Variants in IWS1 observed in about 807,000 individuals in gnomAD.
The protein encoded by IWS1 is interacts with SUPT6H, CTD assembly factor 1.
In IWS1, 27 loss-of-function variants were observed where a neutral mutation model predicts 86.7. The ratio of observed to expected loss-of-function variants is 0.31; its 90% confidence interval spans 0.23 to 0.43. IWS1 has a LOEUF of 0.43. IWS1 is among the 20% of genes least tolerant of loss of function. The probability of loss-of-function intolerance (pLI) is 1.00; values close to 1 mark genes in which losing one functional copy is unlikely to be tolerated. For missense variants in IWS1, 827 were observed against 1,000.8 expected, an observed-to-expected ratio of 0.83 and a Z score of 2.34; for synonymous variants, 313 against 335.1, an observed-to-expected ratio of 0.93 and a Z score of 0.72.
intron 9 of IWS1, 109 bp downstream of exon 9, chr2:127,493,172 C>A: frequency 1.0e-6 from 1 of 979,354 alleles, no homozygotes; most frequent in Non-Finnish European, 1.4e-6. Flanking sequence ...CCTCTTCTGG[C>A]AGGCTGTAGC....
Position 127,519,493 on chromosome 2 carries a change from G to A in IWS1, c.150+4183C>T, listed in dbSNP as rs141494476. 2.7e-4 allele frequency among the ~76,000 whole-genome samples: 40 copies of A among 147,910 alleles called. No homozygotes were observed. In the East Asian group the frequency reaches 6.0e-3, roughly 22 times the overall value. On this transcript the variant is annotated intron_variant, in intron 2 of 13. Coordinates refer to ENST00000295321, the MANE Select transcript of IWS1 (RefSeq NM_017969.3). ...AAAGATTGTGTGTGTGTGTGTGTGCGTGTGTGTGCACTGAGTAAATACTAT... is the reference window on the plus strand; with the variant it reads ...AAAGATTGTGTGTGTGTGTGTGTGCATGTGTGTGCACTGAGTAAATACTAT...
At chr2:127,515,899 G>A (rs770198543) in intron 2 of IWS1, among the ~76,000 whole-genome samples, 1 of 152,088 alleles carries the variant, frequency 6.6e-6, no homozygotes, top group African/African-American at 2.4e-5. Context: ...TCTCTCATCC[G>A]GCTCCCCAGT....
chr2:127,497,883 T>G (rs1280579544), intron 6 of IWS1, among the ~76,000 whole-genome samples: 1 of 152,144 alleles, frequency 6.6e-6, no homozygotes, highest in Non-Finnish European at 1.5e-5. Flanking sequence ...TTCATAAGAG[T>G]TTACTTGGTG....
intron 2 of IWS1, among the ~76,000 whole-genome samples, chr2:127,513,709 T>C (rs972654438): frequency 1.4e-5 from 2 of 146,260 alleles, no homozygotes; most frequent in Non-Finnish European, 2.9e-5. Flanking sequence ...TGGCATAGTA[T>C]TCTACCAAAT....
Position 127,505,047 on chromosome 2 carries a change from C to T in IWS1, c.856G>A (p.Ala286Thr). 1 of 1,612,410 alleles carries T rather than the reference C, an allele frequency of 6.2e-7. No homozygotes were observed. The highest frequency in any genetic ancestry group is 8.5e-7 in the Non-Finnish European group (1 of 1,179,504). Reference sequence around the variant, plus strand: ...AGCTCCTCATTTTCCGAATCACTGGCCTGGTTCCTTGGGGGATCCTCACTT... The same window carrying T: ...AGCTCCTCATTTTCCGAATCACTGGTCTGGTTCCTTGGGGGATCCTCACTT... ...SESEDPPRNQ[A>T]SDSENEELPK... Residue 286 changes from alanine (A) to threonine (T), a missense_variant, in exon 3 of 14, where the codon GCC (alanine) becomes ACC (threonine). Ala to Thr is a moderately conservative substitution (Grantham distance 58). Around this residue, in one of 2 missense-constraint regions of IWS1, gnomAD observed 548 missense variants for 560.2 expected, o/e 0.98. Coordinates refer to ENST00000295321, the MANE Select transcript of IWS1 (RefSeq NM_017969.3). This position sits in a 1 kb window ranked among gnomAD's most constrained non-coding sequence, Gnocchi z 5.0.
chr2:127,522,192 T>C (rs1436357544), intron 2 of IWS1, among the ~76,000 whole-genome samples: 1 of 152,204 alleles, frequency 6.6e-6, no homozygotes, highest in Non-Finnish European at 1.5e-5. Context: ...TCCTTGAAGA[T>C]ATCAAGCACA....
At chr2:127,488,664 C>G (rs1276809518) in intron 12 of IWS1, among the ~76,000 whole-genome samples, 1 of 152,222 alleles carries the variant, frequency 6.6e-6, no homozygotes, top group African/African-American at 2.4e-5. Flanking sequence ...GGCTTCACAT[C>G]CAGCCTCAAA....
At position 127,498,133 on chromosome 2, in the gene IWS1, A is replaced by T; in HGVS notation, c.1565+7T>A. On this transcript the variant is annotated splice_region_variant and intron_variant, in intron 6 of 13. Transcript: ENST00000295321. The stretch of plus-strand genomic sequence containing the variant: ...CTCTTTAACAAATTCCTTAAAAACA[A>T]ACTTACTGTTTTCCTCTCTTTATGT... The T allele has an allele frequency of 1.3e-6, 2 of 1,564,766 alleles. No homozygotes were observed. The highest frequency in any genetic ancestry group is 4.5e-5 in the East Asian group (2 of 44,504).
intron 2 of IWS1, among the ~76,000 whole-genome samples, chr2:127,513,596 T>C (rs1260312444): frequency 6.6e-6 from 1 of 152,222 alleles, no homozygotes; most frequent in South Asian, 2.1e-4. Context: ...TTTATCTTTA[T>C]TCACATGAAA....
At chr2:127,491,614 T>G (rs902237456) in intron 10 of IWS1, among the ~76,000 whole-genome samples, 2 of 152,132 alleles carry the variant, frequency 1.3e-5, no homozygotes, top group Non-Finnish European at 2.9e-5. Context: ...CGGCTAATTT[T>G]TTGTATTTTT....
intron 4 of IWS1, 98 bp from the exon 5 acceptor site, chr2:127,502,970 CA>C: frequency 1.4e-6 from 1 of 698,702 alleles, no homozygotes; most frequent in South Asian, 1.7e-5. Flanking sequence ...GTAAAATGTG[CA>C]GATCTTCAGT....
rs1301123151 is a variant in IWS1, at chr2:127,483,574, G to GGGGGT, written c.2329-2400_2329-2399insACCCC. On this transcript the variant is annotated intron_variant, in intron 13 of 13. Coordinates refer to ENST00000295321, the MANE Select transcript of IWS1 (RefSeq NM_017969.3). ...ATAACCAAAATTATAATTTGGTCGGGGCGGGGGGTGGTGGGGTGGGGGGGT... is the reference window on the plus strand; with the variant it reads ...ATAACCAAAATTATAATTTGGTCGGGGGGGTGCGGGGGGTGGTGGGGTGGGGGGGT... Among the ~76,000 whole-genome samples the GGGGGT allele has an allele frequency of 1.3e-4, 6 of 46,994 alleles. 1 individual carries two copies. Among genetic ancestry groups the GGGGGT allele is most frequent in the Non-Finnish European group, 2.4e-4 (6 of 24,730 alleles). The allele number at this position is 46,994 out of a possible 152,430, so 30.8% of individuals were successfully genotyped here.
intron 6 of IWS1, among the ~76,000 whole-genome samples, chr2:127,496,497 G>C (rs1245909957): frequency 6.6e-6 from 1 of 150,512 alleles, no homozygotes; most frequent in African/African-American, 2.5e-5. Flanking sequence ...CCAAATTCCA[G>C]TCCTGCTTTC....
intron 3 of IWS1, among the ~76,000 whole-genome samples, chr2:127,503,868 T>C (rs1228974689): frequency 2.0e-5 from 3 of 152,138 alleles, no homozygotes; most frequent in African/African-American, 7.2e-5. Context: ...ACCTTTCCTT[T>C]TGGGAAATCG....
intron 5 of IWS1, chr2:127,498,570 TAAGTC>T (rs1690631818): frequency 5.4e-6 from 1 of 185,170 alleles, no homozygotes; most frequent in African/African-American, 2.3e-5. Flanking sequence ...ATGTCAGTAT[TAAGTC>T]TTGTCATTTT....
In IWS1 at chr2:127,526,393, C is replaced by A; in HGVS notation, c.-185G>T. ...GGCGAATTCTTTGACCTGGAAGCCC[C>A]GGCGGAAAAGGCCGTACCCGGCAGG... On this transcript the variant is annotated 5_prime_UTR_variant, in exon 1 of 14. Transcript: ENST00000295321. 6.5e-7 allele frequency: 1 copy of A among 1,535,964 alleles called. No homozygotes were observed.
chr2:127,493,386 A>G lies in IWS1; in HGVS notation c.1824T>C (p.Ile608=). The G allele has an allele frequency of 6.2e-7, 1 of 1,610,932 alleles. No individual in the cohort carries two copies. Among genetic ancestry groups the G allele is most frequent in the Non-Finnish European group, 8.5e-7 (1 of 1,178,972 alleles). The part of the protein sequence containing the change: ...LKKQDLKETF[I]DSGVMSAIKE... Reference sequence around the variant, plus strand: ...TGATGGCAGACATCACACCACTGTCAATGAATGTTTCTTTAAGGTCCTGCC... The same window carrying G: ...TGATGGCAGACATCACACCACTGTCGATGAATGTTTCTTTAAGGTCCTGCC... Residue 608 remains isoleucine, a synonymous_variant, in exon 9 of 14, where the codon ATT becomes ATC. Coordinates refer to ENST00000295321, the MANE Select transcript of IWS1 (RefSeq NM_017969.3).
chr2:127,504,824 A>G lies in IWS1; in HGVS notation c.1079T>C (p.Phe360Ser), dbSNP rs1185728590. 2.4e-5 allele frequency: 38 copies of G among 1,614,026 alleles called. No homozygotes were observed. The highest frequency in any genetic ancestry group is 3.1e-5 in the Non-Finnish European group (36 of 1,180,026). Residue 360 changes from phenylalanine (F) to serine (S), a missense_variant, in exon 3 of 14, where the codon TTT becomes TCT. Coordinates refer to ENST00000295321, the MANE Select transcript of IWS1 (RefSeq NM_017969.3). ...HSDSHMDRKK[F>S]HSSDSEEEEH... is the part of the protein sequence containing the mutation. ...TTCCTCCTCACTATCAGAACTGTGA[A>G]ACTTTTTTCTGTCCATATGGCTGTC... is the stretch of plus-strand genomic sequence containing the variant.
At chr2:127,483,583 T>C (rs57627792) in intron 13 of IWS1, among the ~76,000 whole-genome samples, 1 of 20,628 alleles carries the variant, frequency 4.8e-5, no homozygotes, top group Non-Finnish European at 8.9e-5. Flanking sequence ...GGGCGGGGGG[T>C]GGTGGGGTGG....
Sources: gnomAD v4.1 joint callset for allele counts (sites outside exome capture counted in the v4.1 genomes callset) on GRCh38, gnomAD v4.1.1 for gene constraint, gnomAD v4.1.1 regional missense constraint, Gnocchi (gnomAD v3.1) non-coding constraint, MANE v1.5 for transcripts, NCBI Gene and HGNC (gene_info 2026-07-23, HGNC 2026-07-21) for gene names.